The following LPP variants were observed in gnomAD, a reference collection of about 807,000 sequenced individuals.
LPP encodes lipoma-preferred partner.
In LPP, 38 loss-of-function variants were observed where a neutral mutation model predicts 60.4. That is an observed-to-expected ratio of 0.63 (90% CI 0.49 to 0.83). LPP has a LOEUF of 0.83. Ranked by LOEUF, LPP falls within the 40% of genes least tolerant of loss-of-function variation. The pLI, the probability that LPP is intolerant of heterozygous loss-of-function variation, is 0.00. For missense variants in LPP, 902 were observed against 783.6 expected (o/e 1.15, Z -1.80); for synonymous variants, 328 against 290.8 (o/e 1.13, Z -1.30).
chr3:188,526,723 C>T (rs1820688324), intron 6 of LPP, among the ~76,000 whole-genome samples: 1 of 152,168 alleles, frequency 6.6e-6, no homozygotes, highest in Non-Finnish European at 1.5e-5. Flanking sequence ...TCTATCCATC[C>T]TGTGAGCAGT....
chr3:188,318,084 A>C (rs912254918), intron 2 of LPP, among the ~76,000 whole-genome samples: 9 of 152,222 alleles, frequency 5.9e-5, no homozygotes, highest in Non-Finnish European at 1.3e-4. Flanking sequence ...AATGTCCTCC[A>C]GGAGGGTAGA....
chr3:188,620,673 A>G (rs1017887388), intron 7 of LPP, among the ~76,000 whole-genome samples: 3 of 152,206 alleles, frequency 2.0e-5, no homozygotes, highest in Non-Finnish European at 4.4e-5. Flanking sequence ...TAAAAGTGGG[A>G]TTGCTGAGTC....
At chr3:188,481,237 A>G (rs1383165274) in intron 4 of LPP, among the ~76,000 whole-genome samples, 1 of 152,254 alleles carries the variant, frequency 6.6e-6, no homozygotes, top group Non-Finnish European at 1.5e-5. Context: ...TCAGATTTGT[A>G]TCTGTTTTTG....
chr3:188,652,398 C>T (rs927272763), intron 7 of LPP, among the ~76,000 whole-genome samples: 5 of 152,112 alleles, frequency 3.3e-5, no homozygotes, highest in Non-Finnish European at 7.4e-5. Context: ...CCTATAGATC[C>T]TCTGTCACCA....
At chr3:188,378,019 C>T (rs1232668758) in intron 3 of LPP, among the ~76,000 whole-genome samples, 5 of 152,142 alleles carry the variant, frequency 3.3e-5, no homozygotes, top group Admixed American at 6.6e-5. Context: ...TGCAGAACAG[C>T]GGATATTGGT....
chr3:188,617,431 T>C (rs1360900162), intron 7 of LPP, among the ~76,000 whole-genome samples: 1 of 152,192 alleles, frequency 6.6e-6, no homozygotes, highest in Non-Finnish European at 1.5e-5. Flanking sequence ...ATAATAACTA[T>C]TGTCAGGATG....
At chr3:188,860,981 A>T (rs1765070610) in intron 9 of LPP, among the ~76,000 whole-genome samples, 1 of 152,072 alleles carries the variant, frequency 6.6e-6, no homozygotes, top group Non-Finnish European at 1.5e-5. Context: ...CTTTATTGTA[A>T]CTCCCAATCT....
intron 6 of LPP, among the ~76,000 whole-genome samples, chr3:188,563,728 G>GTTTTTTTTTTT (rs5855207): frequency 2.1e-5 from 3 of 145,150 alleles, no homozygotes; most frequent in South Asian, 2.1e-4. Context: ...GTTTTTTTTT[G>GTTTTTTTTTTT]TTTTTTTTTT....
chr3:188,407,787 TG>T lies in LPP; in HGVS notation c.193+1475del, dbSNP rs1456827513. 4.1e-3 allele frequency among the ~76,000 whole-genome samples: 413 copies of T among 100,312 alleles called. 11 individuals are homozygous for T. The highest frequency in any genetic ancestry group is 8.1e-3 in the African/African-American group (206 of 25,280). The allele number at this position is 100,312 out of a possible 152,430, so 65.8% of individuals were successfully genotyped here. ...TTTATGGTTTTTTTTTTTGTTTGTTTGTTTTTTTTTTTTTTTTTTTGAGATG... is the reference window on the plus strand; with the variant it reads ...TTTATGGTTTTTTTTTTTGTTTGTTTTTTTTTTTTTTTTTTTTTTGAGATG... On this transcript the variant is annotated intron_variant, in intron 4 of 11. Coordinates refer to ENST00000617246, the MANE Select transcript of LPP (RefSeq NM_001375462.1).
intron 5 of LPP, among the ~76,000 whole-genome samples, chr3:188,514,979 C>T (rs937163639): frequency 6.6e-6 from 1 of 152,080 alleles, no homozygotes; most frequent in African/African-American, 2.4e-5. Flanking sequence ...CCAAACATTG[C>T]TAACACTGGG....
At chr3:188,302,930 A>C (rs549824727) in intron 2 of LPP, among the ~76,000 whole-genome samples, 3 of 152,226 alleles carry the variant, frequency 2.0e-5, no homozygotes, top group Non-Finnish European at 4.4e-5. Flanking sequence ...TAGCTTTGGC[A>C]TAATTAAGAA....
chr3:188,757,220 CTGACATCG>C (rs58548631), intron 8 of LPP, among the ~76,000 whole-genome samples: 42,671 of 151,808 alleles, frequency 0.28, 6,369 homozygotes, highest in Middle Eastern at 0.45. Flanking sequence ...GTGAGAGGCA[CTGACATCG>C]TGACATCGTC....
intron 2 of LPP, among the ~76,000 whole-genome samples, chr3:188,276,891 TTTC>T (rs1468618300): frequency 0.017 from 1,303 of 78,786 alleles, 93 homozygotes; most frequent in African/African-American, 0.038. Flanking sequence ...CTTCTTTTCT[TTTC>T]TTTTTTTTTT....
chr3:188,276,486 A>T (rs896056073), intron 2 of LPP, among the ~76,000 whole-genome samples: 1 of 151,954 alleles, frequency 6.6e-6, no homozygotes, highest in African/African-American at 2.4e-5. Flanking sequence ...TTGTTTAGAT[A>T]TTTGTTTGGA....
chr3:188,394,340 A>G (rs1007297469), intron 3 of LPP, among the ~76,000 whole-genome samples: 36 of 152,244 alleles, frequency 2.4e-4, no homozygotes, highest in African/African-American at 7.5e-4. Context: ...TCTAGCAGTC[A>G]TAACTTTTCT....
chr3:188,457,739 A>AACACTGTCTCTACTAAAAAAAAATAT, intron 4 of LPP, among the ~76,000 whole-genome samples: 1 of 140,074 alleles, frequency 7.1e-6, no homozygotes, highest in Non-Finnish European at 1.5e-5. Context: ...AAAAAAAAAA[A>AACACTGTCTCTACTAAAAAAAAATAT]ATATATATAT....
chr3:188,251,131 T>C (rs73059667), intron 2 of LPP, among the ~76,000 whole-genome samples: 2,363 of 148,670 alleles, frequency 0.016, 62 homozygotes, highest in African/African-American at 0.054. Flanking sequence ...CTTTCTTTCT[T>C]TCTTTTGGTT....
Position 188,636,199 on chromosome 3 carries a change from G to A in LPP, c.1113+26355G>A, listed in dbSNP as rs1289740644. Among the ~76,000 whole-genome samples the A allele has an allele frequency of 5.9e-5, 9 of 152,188 alleles. No individual in the cohort carries two copies. In the South Asian group the frequency reaches 6.2e-4, roughly 10 times the overall value. On this transcript the variant is annotated intron_variant, in intron 7 of 11. Transcript: ENST00000617246. ...AGTGGGCGCAGGTCAGTGGGTGCGC[G>A]CACCGTGTGCGAGCCGAAGCAGGGC... is the stretch of plus-strand genomic sequence containing the variant.
chr3:188,302,895 A>G (rs1211298331), intron 2 of LPP, among the ~76,000 whole-genome samples: 1 of 152,226 alleles, frequency 6.6e-6, no homozygotes, highest in African/African-American at 2.4e-5. Flanking sequence ...GTAGTTGCTA[A>G]CAACATTCTA....
Sources: gnomAD v4.1 joint callset for allele counts (sites outside exome capture counted in the v4.1 genomes callset) on GRCh38, gnomAD v4.1.1 for gene constraint, MANE v1.5 for transcripts, NCBI Gene and HGNC (gene_info 2026-07-23, HGNC 2026-07-21) for gene names.